MRTFA: variants seen among roughly 807,000 people sequenced by gnomAD.
MRTFA encodes myocardin-related transcription factor A.
A neutral mutation model predicts 83.5 loss-of-function variants in MRTFA; 20 were observed. The ratio of observed to expected loss-of-function variants is 0.24; its 90% confidence interval spans 0.17 to 0.35. MRTFA has a LOEUF of 0.35. Among genes scored for constraint, MRTFA ranks in the 10% least tolerant of loss-of-function variants. MRTFA has a pLI of 1.00. For synonymous variants in MRTFA, 659 were observed against 541.2 expected, an observed-to-expected ratio of 1.22 and a Z score of -3.02; for missense variants, 1,200 against 1,224.7, an observed-to-expected ratio of 0.98 and a Z score of 0.30.
At chr22:40,574,041 T>C (rs2055834498) in intron 2 of MRTFA, among the ~76,000 whole-genome samples, 1 of 152,140 alleles carries the variant, frequency 6.6e-6, no homozygotes, top group Admixed American at 6.5e-5. Flanking sequence ...TAAGCCACTA[T>C]GACAGGTCTC....
At chr22:40,430,996 G>T (rs2053058455) in intron 6 of MRTFA, among the ~76,000 whole-genome samples, 1 of 151,954 alleles carries the variant, frequency 6.6e-6, no homozygotes, top group East Asian at 1.9e-4. Flanking sequence ...AATGCCAAGT[G>T]AATGACTGAC....
chr22:40,455,466 G>C (rs1009231855), intron 4 of MRTFA, among the ~76,000 whole-genome samples: 3 of 151,988 alleles, frequency 2.0e-5, no homozygotes, highest in Non-Finnish European at 4.4e-5. Flanking sequence ...CTAACACGGT[G>C]AAACCCCGTC....
intron 3 of MRTFA, among the ~76,000 whole-genome samples, chr22:40,476,297 A>G (rs763216767): frequency 1.4e-4 from 22 of 152,276 alleles, no homozygotes; most frequent in Admixed American, 5.2e-4. Context: ...GATACAGCCT[A>G]AAAAGATACG....
At chr22:40,446,420 G>A (rs562635457) in intron 4 of MRTFA, among the ~76,000 whole-genome samples, 13 of 152,262 alleles carry the variant, frequency 8.5e-5, no homozygotes, top group African/African-American at 2.6e-4. Flanking sequence ...GATCCAGGGC[G>A]AGTAAACTTA....
chr22:40,461,267 T>C (rs2053707198), intron 4 of MRTFA, among the ~76,000 whole-genome samples: 1 of 150,466 alleles, frequency 6.6e-6, no homozygotes, highest in African/African-American at 2.4e-5. Flanking sequence ...CTTACACTTG[T>C]TATAAGGTTC....
At chr22:40,526,323 A>AT (rs1465559388) in intron 3 of MRTFA, 2 of 152,186 alleles carry the variant, frequency 1.3e-5, no homozygotes, top group Non-Finnish European at 2.9e-5. Flanking sequence ...GTGAGCCACC[A>AT]TAACAGGCCC....
intron 2 of MRTFA, among the ~76,000 whole-genome samples, chr22:40,553,544 G>A (rs2055475315): frequency 6.6e-6 from 1 of 152,170 alleles, no homozygotes; most frequent in African/African-American, 2.4e-5. Flanking sequence ...CCGCCATGTG[G>A]TGCTGAGCCT....
intron 2 of MRTFA, among the ~76,000 whole-genome samples, chr22:40,553,055 A>G (rs144067490): frequency 2.0e-5 from 3 of 152,352 alleles, no homozygotes; most frequent in African/African-American, 4.8e-5. Context: ...ATGCTTTAGC[A>G]AAGAGACTGG....
intron 1 of MRTFA, among the ~76,000 whole-genome samples, chr22:40,609,482 CAAAAAAAAAAA>C (rs148106089): frequency 1.7e-3 from 119 of 69,718 alleles, no homozygotes; most frequent in African/African-American, 7.9e-3. Flanking sequence ...GTCTCTTTAA[CAAAAAAAAAAA>C]AAAAAAAAAA....
intron 5 of MRTFA, among the ~76,000 whole-genome samples, chr22:40,434,678 C>T (rs1194652477): frequency 2.0e-5 from 3 of 152,136 alleles, no homozygotes; most frequent in East Asian, 1.9e-4. Context: ...ACTGAGATCA[C>T]GCCACTGCAC....
At chr22:40,571,958 A>G (rs2055801856) in intron 2 of MRTFA, among the ~76,000 whole-genome samples, 1 of 151,226 alleles carries the variant, frequency 6.6e-6, no homozygotes, top group Admixed American at 6.6e-5. Flanking sequence ...AAGAGGGACA[A>G]TAAGCACTTC....
chr22:40,518,403 T>C (rs1255137187), intron 3 of MRTFA, among the ~76,000 whole-genome samples: 1 of 146,774 alleles, frequency 6.8e-6, no homozygotes, highest in Non-Finnish European at 1.5e-5. Flanking sequence ...ACCAGATGGT[T>C]GGAGAATTGG....
intron 1 of MRTFA, among the ~76,000 whole-genome samples, chr22:40,624,852 C>G (rs2056563596): frequency 6.6e-6 from 1 of 152,152 alleles, no homozygotes. Flanking sequence ...TTGATCCTGC[C>G]AGATACACTT....
intron 3 of MRTFA, among the ~76,000 whole-genome samples, chr22:40,528,955 G>T (rs1010240635): frequency 2.0e-5 from 3 of 151,892 alleles, no homozygotes; most frequent in Middle Eastern, 3.4e-3. Context: ...TTCTTCCATT[G>T]TAGCCCTTGC....
intron 2 of MRTFA, chr22:40,586,903 G>A (rs1569340826): frequency 5.1e-6 from 2 of 394,966 alleles, no homozygotes. Flanking sequence ...GGTGCTGCTG[G>A]TGCTGCTGGT....
In MRTFA at chr22:40,420,489, A is replaced by G. The variant is rs752410018; in HGVS notation, c.1269T>C (p.Pro423=). 4 of 1,613,766 alleles carry G rather than the reference A, an allele frequency of 2.5e-6. No homozygotes were observed. Among genetic ancestry groups the G allele is most frequent in the Non-Finnish European group, 3.4e-6 (4 of 1,180,026 alleles). Residue 423 remains proline (P), a synonymous_variant, in exon 11 of 15, where the codon CCT becomes CCC. Coordinates refer to ENST00000355630, the MANE Select transcript of MRTFA (RefSeq NM_020831.6). ...TCTGACGTGCCAGCCCACAGGGCCC[A>G]GGGGCGCCCGAGCTGGAGCTGCTAT...
At chr22:40,579,224 A>G (rs564235278) in intron 2 of MRTFA, among the ~76,000 whole-genome samples, 2 of 152,362 alleles carry the variant, frequency 1.3e-5, no homozygotes, top group South Asian at 2.1e-4. Context: ...GAAGGCATGC[A>G]TATCTTGTGC....
intron 3 of MRTFA, among the ~76,000 whole-genome samples, chr22:40,469,008 T>C (rs896995437): frequency 2.0e-5 from 3 of 152,212 alleles, no homozygotes; most frequent in African/African-American, 7.2e-5. Flanking sequence ...TTTCTGGCAT[T>C]TGTAAGGTAC....
At chr22:40,471,587 T>C (rs925880144) in intron 3 of MRTFA, among the ~76,000 whole-genome samples, 4 of 152,122 alleles carry the variant, frequency 2.6e-5, no homozygotes, top group Non-Finnish European at 1.5e-5. Flanking sequence ...TCCAAATACT[T>C]AAGAATTAAT....
Sources: gnomAD v4.1 joint callset for allele counts (sites outside exome capture counted in the v4.1 genomes callset) on GRCh38, gnomAD v4.1.1 for gene constraint, MANE v1.5 for transcripts, NCBI Gene and HGNC (gene_info 2026-07-23, HGNC 2026-07-21) for gene names.